EMSY: variants seen among roughly 807,000 people sequenced by gnomAD.
The protein encoded by EMSY is BRCA2-interacting transcriptional repressor EMSY.
EMSY carries 26 observed loss-of-function variants against 134.6 expected under a neutral mutation model. That is an observed-to-expected ratio of 0.19 (90% CI 0.14 to 0.27). The LOEUF is 0.27. Among genes scored for constraint, EMSY ranks in the 10% least tolerant of loss-of-function variants. EMSY has a pLI of 1.00. For missense variants in EMSY, 1,305 were observed against 1,611.4 expected (o/e 0.81, Z 3.26); for synonymous variants, 579 against 577.8 (o/e 1.00, Z -0.03).
chr11:76,543,947 T>A (rs1235337862), intron 18 of EMSY, among the ~76,000 whole-genome samples: 1 of 152,208 alleles, frequency 6.6e-6, no homozygotes, highest in Non-Finnish European at 1.5e-5. Context: ...GGCTGTTTCC[T>A]GAGCCAGGGA....
At chr11:76,528,303 G>A (rs752020665) in exon 14 of EMSY, 19 of 1,613,422 alleles carry the variant, frequency 1.2e-5, no homozygotes, top group Admixed American at 3.3e-5. Flanking sequence ...CTTTTCAAGC[G>A]ACAGTTGTTA....
chr11:76,532,200 G>A (rs1256337397), intron 14 of EMSY, among the ~76,000 whole-genome samples: 1 of 152,000 alleles, frequency 6.6e-6, no homozygotes, highest in Admixed American at 6.6e-5. Flanking sequence ...ATACATATCT[G>A]GCATTTATCC....
At chr11:76,457,251 T>G (rs1315699070) in intron 4 of EMSY, among the ~76,000 whole-genome samples, 1 of 152,194 alleles carries the variant, frequency 6.6e-6, no homozygotes, top group African/African-American at 2.4e-5. Flanking sequence ...CTAAGTTAGT[T>G]TGAAGAACCT....
At chr11:76,460,078 T>C in exon 6 of EMSY, 1 of 1,614,216 alleles carries the variant, frequency 6.2e-7, no homozygotes, top group Non-Finnish European at 8.5e-7. Flanking sequence ...GTACTGTTTA[T>C]GTCAAAAGTA....
rs1023883459 is a variant in EMSY, at chr11:76,458,467, G to A, written c.421+109G>A. On this transcript the variant is annotated intron_variant, in intron 5 of 20. Transcript: ENST00000334736. ...ATCTACTTTTATTCTAGTGTTTAAA[G>A]GTTATGAAACATAGTAGGAAACTCT... 65 of 1,153,296 alleles carry A rather than the reference G, an allele frequency of 5.6e-5. No individual in the cohort carries two copies. The South Asian group carries it at 1.0e-3, about 18-fold the overall frequency. The allele number at this position is 1,153,296 out of a possible 1,614,324, so 71.4% of individuals were successfully genotyped here.
At chr11:76,457,161 C>T (rs1947905402) in intron 4 of EMSY, among the ~76,000 whole-genome samples, 1 of 152,022 alleles carries the variant, frequency 6.6e-6, no homozygotes, top group Non-Finnish European at 1.5e-5. Flanking sequence ...TTAGCATTAT[C>T]ATTTTTCCAC....
intron 8 of EMSY, among the ~76,000 whole-genome samples, chr11:76,481,188 C>T (rs981367167): frequency 5.3e-5 from 8 of 152,096 alleles, no homozygotes; most frequent in Non-Finnish European, 8.8e-5. Flanking sequence ...GGACTACAGG[C>T]GCCCGCCACC....
At chr11:76,469,701 A>G (rs1345859482) in intron 7 of EMSY, among the ~76,000 whole-genome samples, 2 of 152,146 alleles carry the variant, frequency 1.3e-5, no homozygotes, top group Non-Finnish European at 2.9e-5. Context: ...GGTAGGTATT[A>G]TTATCCCCAT....
At chr11:76,525,027 G>A (rs899147183) in intron 12 of EMSY, among the ~76,000 whole-genome samples, 1 of 152,098 alleles carries the variant, frequency 6.6e-6, no homozygotes. Flanking sequence ...TGCCACCCCC[G>A]CCAAAGACCA....
intron 9 of EMSY, among the ~76,000 whole-genome samples, chr11:76,505,476 A>G (rs1413597732): frequency 6.6e-6 from 1 of 151,622 alleles, no homozygotes; most frequent in Non-Finnish European, 1.5e-5. Context: ...AAAAATATAC[A>G]ATAGCGTGAT....
intron 4 of EMSY, among the ~76,000 whole-genome samples, chr11:76,457,914 T>G (rs960626455): frequency 4.6e-5 from 7 of 152,202 alleles, no homozygotes; most frequent in Admixed American, 4.6e-4. Flanking sequence ...CCGATATTTA[T>G]TTAGAAGGCA....
Position 76,466,374 on chromosome 11 carries a change from A to G in EMSY, c.831+2294A>G, listed in dbSNP as rs749477267. Among the ~76,000 whole-genome samples the G allele has an allele frequency of 6.6e-5, 10 of 151,650 alleles. No homozygotes were observed. In the South Asian group the frequency reaches 8.3e-4, roughly 13 times the overall value. ...ACTCTTTACTGCCTTAGGTTTTTAC[A>G]CTCTTAGATATGCTTAATCCATTCT... On this transcript the variant is annotated intron_variant, in intron 7 of 20. Transcript: ENST00000334736.
At chr11:76,456,835 C>T (rs564836788) in intron 4 of EMSY, among the ~76,000 whole-genome samples, 11 of 152,132 alleles carry the variant, frequency 7.2e-5, no homozygotes, top group Middle Eastern at 3.2e-3. Context: ...TTATTCCATT[C>T]AGTGAAAGTT....
intron 16 of EMSY, among the ~76,000 whole-genome samples, chr11:76,538,913 A>C: frequency 6.6e-6 from 1 of 152,266 alleles, no homozygotes; most frequent in East Asian, 1.9e-4. Context: ...AGCTGAGACT[A>C]TGCCACTGCA....
At chr11:76,516,260 C>T (rs2136166174) in exon 11 of EMSY, 1 of 1,612,736 alleles carries the variant, frequency 6.2e-7, no homozygotes, top group East Asian at 2.2e-5. Context: ...CAGTAGTACC[C>T]AAATCATTAG....
chr11:76,500,425 G>A (rs1949816782), intron 9 of EMSY, among the ~76,000 whole-genome samples: 1 of 152,168 alleles, frequency 6.6e-6, no homozygotes, highest in Admixed American at 6.5e-5. Context: ...GTGGTGAAAG[G>A]CAACCAGAAG....
intron 8 of EMSY, among the ~76,000 whole-genome samples, chr11:76,495,316 C>G (rs1949608454): frequency 6.6e-6 from 1 of 152,140 alleles, no homozygotes; most frequent in Admixed American, 6.5e-5. Context: ...GAGAATTAGG[C>G]TATTAGTTTC....
intron 9 of EMSY, among the ~76,000 whole-genome samples, chr11:76,506,493 C>T (rs1325210586): frequency 6.6e-6 from 1 of 152,038 alleles, no homozygotes; most frequent in Non-Finnish European, 1.5e-5. Context: ...CACAGAATAC[C>T]AATTATCCTG....
Position 76,529,625 on chromosome 11 carries a change from C to CA in EMSY, c.2194+1167dup, listed in dbSNP as rs142471364. 5.4e-3 allele frequency among the ~76,000 whole-genome samples: 818 copies of CA among 151,334 alleles called. 17 individuals carry two copies. In the East Asian group the frequency reaches 0.06, roughly 11 times the overall value. On this transcript the variant is annotated intron_variant, in intron 14 of 20. Transcript: ENST00000334736. ...GTATAAGAATTTTATTAGTAGCAAA[C>CA]AAAAAAAATGCCAAAGACTGAAAGT...
Sources: gnomAD v4.1 joint callset for allele counts (sites outside exome capture counted in the v4.1 genomes callset) on GRCh38, gnomAD v4.1.1 for gene constraint, MANE v1.5 for transcripts, NCBI Gene and HGNC (gene_info 2026-07-23, HGNC 2026-07-21) for gene names.